COL21A1: variants seen among roughly 807,000 people sequenced by gnomAD.
COL21A1 encodes collagen type XXI alpha 1 chain.
Under a neutral mutation model 137.9 loss-of-function variants are expected in COL21A1, and 149 were observed. The ratio of observed to expected loss-of-function variants is 1.08; its 90% confidence interval spans 0.95 to 1.24. COL21A1 has a LOEUF of 1.24. COL21A1 is among the 50% of genes most tolerant of loss of function. The probability of loss-of-function intolerance (pLI) is 0.00; values close to 1 mark genes in which losing one functional copy is unlikely to be tolerated. For missense variants in COL21A1, 1,167 were observed against 1,158.4 expected (o/e 1.01, Z -0.11); for synonymous variants, 456 against 391.5 (o/e 1.16, Z -1.95).
Position 56,174,949 on chromosome 6 carries a change from T to G in COL21A1, c.641-3821A>C, listed in dbSNP as rs552282653. On this transcript the variant is annotated intron_variant, in intron 3 of 29. Coordinates refer to ENST00000244728, the MANE Select transcript of COL21A1 (RefSeq NM_030820.4). ...TGAATTTAACAGCACATCGAAAACA[T>G]CATACACCATGACCAAATGGGAATT... Among the ~76,000 whole-genome samples the G allele has an allele frequency of 2.0e-4, 31 of 152,086 alleles. No homozygotes were observed. In the South Asian group the frequency reaches 6.2e-3, roughly 31 times the overall value.
chr6:56,184,293 G>GTGATA (rs1297341540), intron 1 of COL21A1, among the ~76,000 whole-genome samples: 1 of 152,128 alleles, frequency 6.6e-6, no homozygotes, highest in African/African-American at 2.4e-5. Context: ...CAGAGGAAAA[G>GTGATA]TGATACATTA....
intron 3 of COL21A1, among the ~76,000 whole-genome samples, chr6:56,177,567 G>A (rs141761563): frequency 8.5e-5 from 13 of 152,224 alleles, no homozygotes; most frequent in African/African-American, 2.9e-4. Flanking sequence ...GCTGAGGCGG[G>A]CGGATCATGA....
chr6:56,136,591 C>A (rs1774021865), intron 12 of COL21A1, among the ~76,000 whole-genome samples: 1 of 152,048 alleles, frequency 6.6e-6, no homozygotes, highest in Admixed American at 6.6e-5. Context: ...ATCTTTTAAG[C>A]CGATCTAGAG....
At chr6:56,368,632 A>C (rs1488976818) in intron 1 of COL21A1, among the ~76,000 whole-genome samples, 1 of 152,192 alleles carries the variant, frequency 6.6e-6, no homozygotes, top group African/African-American at 2.4e-5. Context: ...CCCCCTTAAA[A>C]TTCACTTACA....
At chr6:56,114,876 A>G (rs1256029756) in intron 16 of COL21A1, among the ~76,000 whole-genome samples, 2 of 145,088 alleles carry the variant, frequency 1.4e-5, no homozygotes, top group African/African-American at 5.1e-5. Flanking sequence ...ATGCACACGT[A>G]TGTTTATTGT....
intron 1 of COL21A1, among the ~76,000 whole-genome samples, chr6:56,287,630 G>A (rs542236788): frequency 1.3e-5 from 2 of 151,948 alleles, no homozygotes; most frequent in Non-Finnish European, 2.9e-5. Flanking sequence ...CATGCTTCCT[G>A]TACAGCCTAG....
At chr6:56,373,736 CT>C (rs992386559) in intron 1 of COL21A1, among the ~76,000 whole-genome samples, 1 of 152,134 alleles carries the variant, frequency 6.6e-6, no homozygotes, top group African/African-American at 2.4e-5. Context: ...ACCTCACATA[CT>C]TTTTTTGTAC....
intron 1 of COL21A1, among the ~76,000 whole-genome samples, chr6:56,205,433 G>GA (rs1288667391): frequency 6.6e-6 from 1 of 152,036 alleles, no homozygotes; most frequent in African/African-American, 2.4e-5. Context: ...CAAGATTAGA[G>GA]AAAAAAGAGT....
intron 1 of COL21A1, among the ~76,000 whole-genome samples, chr6:56,307,616 T>C (rs997262047): frequency 1.4e-4 from 22 of 152,162 alleles, no homozygotes; most frequent in Non-Finnish European, 2.9e-4. Flanking sequence ...CCAGGTGCCG[T>C]CTGTCACCCC....
At chr6:56,172,507 C>A (rs866370325) in intron 3 of COL21A1, among the ~76,000 whole-genome samples, 1 of 152,098 alleles carries the variant, frequency 6.6e-6, no homozygotes, top group Non-Finnish European at 1.5e-5. Flanking sequence ...CACCATCAGA[C>A]CTGCCTTATA....
chr6:56,128,578 G>A (rs1351391101), intron 12 of COL21A1, among the ~76,000 whole-genome samples: 4 of 152,174 alleles, frequency 2.6e-5, no homozygotes, highest in Non-Finnish European at 4.4e-5. Flanking sequence ...CTGGCTGACC[G>A]CATTCTGGAG....
At chr6:56,234,033 T>C (rs1314889320) in intron 1 of COL21A1, among the ~76,000 whole-genome samples, 1 of 151,456 alleles carries the variant, frequency 6.6e-6, no homozygotes, top group African/African-American at 2.4e-5. Context: ...AAAAGGAAAA[T>C]AAAGCAAACA....
intron 1 of COL21A1, among the ~76,000 whole-genome samples, chr6:56,200,195 C>T (rs1779289942): frequency 6.6e-6 from 1 of 152,108 alleles, no homozygotes; most frequent in Non-Finnish European, 1.5e-5. Context: ...ATGACAGGGA[C>T]TAAAGTAAAG....
At chr6:56,254,197 C>G (rs765372405) in intron 1 of COL21A1, among the ~76,000 whole-genome samples, 3 of 152,140 alleles carry the variant, frequency 2.0e-5, no homozygotes, top group Non-Finnish European at 4.4e-5. Context: ...AAGAAACTAC[C>G]TTATTTCTAA....
intron 1 of COL21A1, among the ~76,000 whole-genome samples, chr6:56,362,367 T>A (rs1765993934): frequency 2.0e-5 from 3 of 152,284 alleles, no homozygotes; most frequent in Non-Finnish European, 4.4e-5. Context: ...ACAATAAGTA[T>A]GTATTATTTT....
intron 1 of COL21A1, among the ~76,000 whole-genome samples, chr6:56,340,396 G>A (rs906110148): frequency 9.5e-5 from 8 of 83,978 alleles, no homozygotes; most frequent in Admixed American, 9.4e-4. Context: ...CAGGGAGGAG[G>A]AGACAAAACA....
At chr6:56,385,363 G>T (rs2152352720) in intron 1 of COL21A1, among the ~76,000 whole-genome samples, 1 of 152,288 alleles carries the variant, frequency 6.6e-6, no homozygotes, top group South Asian at 2.1e-4. Flanking sequence ...TGGCAGAGCT[G>T]CATTCCTTTC....
intron 12 of COL21A1, among the ~76,000 whole-genome samples, chr6:56,128,795 C>G (rs981639077): frequency 6.6e-6 from 1 of 152,148 alleles, no homozygotes; most frequent in African/African-American, 2.4e-5. Flanking sequence ...GCCGGGATTA[C>G]AGGTACCCAC....
At chr6:56,389,762 AAG>A (rs1472605183) in intron 1 of COL21A1, among the ~76,000 whole-genome samples, 3 of 152,340 alleles carry the variant, frequency 2.0e-5, no homozygotes, top group Non-Finnish European at 2.9e-5. Context: ...CTTACAGGGC[AAG>A]AGAGAATGGG....
Sources: gnomAD v4.1 joint callset for allele counts (sites outside exome capture counted in the v4.1 genomes callset) on GRCh38, gnomAD v4.1.1 for gene constraint, MANE v1.5 for transcripts, NCBI Gene and HGNC (gene_info 2026-07-23, HGNC 2026-07-21) for gene names.